Variants in DST observed in about 807,000 individuals in gnomAD.
DST encodes dystonin.
A neutral mutation model predicts 875.2 loss-of-function variants in DST; 253 were observed. The ratio of observed to expected loss-of-function variants is 0.29; its 90% confidence interval spans 0.26 to 0.32. The LOEUF (loss-of-function observed/expected upper bound fraction) is 0.32, where lower values mean the gene tolerates loss of function less well. DST is among the 10% of genes least tolerant of loss of function. The probability of loss-of-function intolerance (pLI) is 1.00; values close to 1 mark genes in which losing one functional copy is unlikely to be tolerated. For synonymous variants in DST, 3,124 were observed against 3,197.1 expected (o/e 0.98, Z 0.77); for missense variants, 8,287 against 9,111.6 (o/e 0.91, Z 3.68).
chr6:56,508,708 G>A lies in DST; in HGVS notation c.19060C>T (p.His6354Tyr), dbSNP rs2096399202. Residue 6354 changes from histidine to tyrosine, a missense_variant, in exon 75 of 104, where the codon CAC becomes TAC. Coordinates refer to ENST00000680361, the MANE Select transcript of DST (RefSeq NM_001374736.1). The stretch of plus-strand genomic sequence containing the variant: ...GCTTCCCTCTCTTCCACCAGTGTGT[G>A]TATGTTCTCCCAAATGAAAACCATT... The part of the protein sequence containing the change: ...DQMVFIWENI[H>Y]TLVEEREAKL... 1 of 1,613,740 alleles carries A rather than the reference G, an allele frequency of 6.2e-7. No individual in the cohort carries two copies. Among genetic ancestry groups the A allele is most frequent in the Non-Finnish European group, 8.5e-7 (1 of 1,179,774 alleles).
At chr6:56,693,144 C>A (rs1224172932) in intron 9 of DST, 2 of 1,281,586 alleles carry the variant, frequency 1.6e-6, no homozygotes, top group East Asian at 5.6e-5. Flanking sequence ...CACAGACATT[C>A]CCCATTTGAT....
chr6:56,603,092 A>G (rs2098460515), intron 42 of DST, 61 bp from the exon 43 acceptor site: 13 of 1,539,318 alleles, frequency 8.4e-6, no homozygotes, highest in Non-Finnish European at 1.1e-5. Flanking sequence ...CTTACAAATA[A>G]TGACTGTGGT....
chr6:56,893,042 G>T (rs1461922392), intron 3 of DST, among the ~76,000 whole-genome samples: 5 of 152,244 alleles, frequency 3.3e-5, no homozygotes, highest in African/African-American at 1.2e-4. Context: ...AGGTACAGGT[G>T]GTATTTGGTT....
chr6:56,634,102 T>C, intron 27 of DST, 30 bp downstream of exon 27: 1 of 1,611,958 alleles, frequency 6.2e-7, no homozygotes, highest in Non-Finnish European at 8.5e-7. Context: ...TTTTTGGACA[T>C]ATCGAGTTGA....
In DST at chr6:56,906,150, A is replaced by C. The variant is rs558230698; in HGVS notation, c.217-5529T>G. On this transcript the variant is annotated intron_variant, in intron 2 of 103. Transcript: ENST00000680361. ...TCTAGTTTTAACTTTTTGAGAAACC[A>C]CCATACTGTTTTGCATAGCGGCTAC... is the stretch of plus-strand genomic sequence containing the variant. Among the ~76,000 whole-genome samples the C allele has an allele frequency of 1.6e-4, 24 of 152,322 alleles. No individual in the cohort carries two copies. The South Asian group carries it at 5.0e-3, about 32-fold the overall frequency.
intron 9 of DST, among the ~76,000 whole-genome samples, chr6:56,679,962 T>C (rs772684809): frequency 3.9e-5 from 6 of 152,150 alleles, no homozygotes; most frequent in African/African-American, 7.2e-5. Flanking sequence ...GGAGTTTAAA[T>C]CCTTTCACCT....
At chr6:56,923,107 A>C (rs1261382639) in intron 2 of DST, among the ~76,000 whole-genome samples, 2 of 152,148 alleles carry the variant, frequency 1.3e-5, no homozygotes, top group Admixed American at 1.3e-4. Flanking sequence ...GACTAAATAA[A>C]GTTGATTCCA....
intron 15 of DST, among the ~76,000 whole-genome samples, chr6:56,645,439 AACACCCTTTAAATGAAGGCAAGCTAGATT>A (rs2098936769): frequency 6.6e-6 from 1 of 152,218 alleles, no homozygotes; most frequent in Non-Finnish European, 1.5e-5. Context: ...GACGCCATCC[AACACCCTTTAAATGAAGGCAAGCTAGATT>A]TTGGTTTCCA....
At chr6:56,587,033 C>A (rs1252298558) in intron 49 of DST, among the ~76,000 whole-genome samples, 1 of 152,242 alleles carries the variant, frequency 6.6e-6, no homozygotes, top group African/African-American at 2.4e-5. Context: ...CACAGTTCCT[C>A]ACCAGCAACG....
At chr6:56,680,007 C>T (rs2099149615) in intron 9 of DST, among the ~76,000 whole-genome samples, 1 of 152,122 alleles carries the variant, frequency 6.6e-6, no homozygotes. Context: ...ACCAATAATT[C>T]CCTCTCACGT....
intron 5 of DST, among the ~76,000 whole-genome samples, chr6:56,716,395 T>C (rs192416433): frequency 8.5e-5 from 13 of 152,348 alleles, no homozygotes; most frequent in Admixed American, 7.8e-4. Flanking sequence ...AAATGAATCA[T>C]AGACTTAGAT....
rs17752346 is a variant in DST at position 56,904,622 on chromosome 6, G to T, written c.217-4001C>A. ...TATGATTACAAACACTATAAACAAC[G>T]ATGACCGTTCACCTTTATTTCCCTA... On this transcript the variant is annotated intron_variant, in intron 2 of 103. Transcript: ENST00000680361. 8.4e-3 allele frequency among the ~76,000 whole-genome samples: 1,285 copies of T among 152,090 alleles called. 10 individuals are homozygous for T. Among genetic ancestry groups the T allele is most frequent in the Non-Finnish European group, 0.014 (927 of 67,994 alleles).
rs540423483 is a variant in DST, at chr6:56,532,126, A to C, written c.17108+218T>G. ...TAAACAAATGAAGTAATCACTCCCA[A>C]GGGAAATGCTTGTCTTAAAAAGTTG... On this transcript the variant is annotated intron_variant, in intron 64 of 103. Transcript: ENST00000680361. Among the ~76,000 whole-genome samples, 13 of 152,286 alleles carry C rather than the reference A, an allele frequency of 8.5e-5. No individual in the cohort carries two copies. In the East Asian group the frequency reaches 1.9e-3, roughly 23 times the overall value.
chr6:56,817,981 A>G (rs1438310380), intron 4 of DST, among the ~76,000 whole-genome samples: 2 of 152,188 alleles, frequency 1.3e-5, no homozygotes, highest in African/African-American at 4.8e-5. Context: ...AATCAGAGTG[A>G]CAGAAGATGG....
chr6:56,862,735 G>A (rs79255095), intron 3 of DST, among the ~76,000 whole-genome samples: 3 of 152,114 alleles, frequency 2.0e-5, no homozygotes, highest in African/African-American at 7.2e-5. Flanking sequence ...ATTGAAATTG[G>A]GGGGGAATGG....
At chr6:56,466,399 A>G in intron 98 of DST, 1 of 383,060 alleles carries the variant, frequency 2.6e-6, no homozygotes, top group East Asian at 3.8e-5. Flanking sequence ...ACAGTTTGAA[A>G]AAAAAAAGAT....
At chr6:56,481,871 G>A (rs2095412818) in intron 90 of DST, among the ~76,000 whole-genome samples, 179 bp downstream of exon 90, 1 of 152,166 alleles carries the variant, frequency 6.6e-6, no homozygotes, top group South Asian at 2.1e-4. Flanking sequence ...ATGTGTGTGG[G>A]TGCATGGGGA....
intron 2 of DST, among the ~76,000 whole-genome samples, chr6:56,918,328 T>C (rs1331670742): frequency 1.3e-5 from 2 of 152,060 alleles, no homozygotes; most frequent in East Asian, 3.9e-4. Context: ...GGTTTCGCCA[T>C]GTTGGTCAGG....
chr6:56,874,102 G>C (rs1056317155), intron 3 of DST, among the ~76,000 whole-genome samples: 1 of 152,186 alleles, frequency 6.6e-6, no homozygotes, highest in Non-Finnish European at 1.5e-5. Flanking sequence ...GCAACACAGA[G>C]AGACCCTGTC....
Sources: gnomAD v4.1 joint callset for allele counts (sites outside exome capture counted in the v4.1 genomes callset) on GRCh38, gnomAD v4.1.1 for gene constraint, MANE v1.5 for transcripts, NCBI Gene and HGNC (gene_info 2026-07-23, HGNC 2026-07-21) for gene names.